The following MEIS2 variants were observed in gnomAD, a reference collection of about 807,000 sequenced individuals.
MEIS2 encodes homeobox protein Meis2.
In MEIS2, 9 loss-of-function variants were observed where a neutral mutation model predicts 58.6. That is an observed-to-expected ratio of 0.15 (90% CI 0.09 to 0.27). The LOEUF is 0.27. Among genes scored for constraint, MEIS2 ranks in the 10% least tolerant of loss-of-function variants. The probability of loss-of-function intolerance (pLI) is 1.00; values close to 1 mark genes in which losing one functional copy is unlikely to be tolerated. For missense variants in MEIS2, 427 were observed against 635.0 expected (o/e 0.67, Z 3.52); for synonymous variants, 221 against 228.4 (o/e 0.97, Z 0.29).
At chr15:37,009,695 T>C (rs903327816) in intron 8 of MEIS2, among the ~76,000 whole-genome samples, 4 of 152,256 alleles carry the variant, frequency 2.6e-5, no homozygotes, top group African/African-American at 9.6e-5. Flanking sequence ...GTCTCTCTGA[T>C]ACTTCACAAA....
At chr15:37,063,342 G>A (rs1055534418) in intron 7 of MEIS2, among the ~76,000 whole-genome samples, 19 of 152,142 alleles carry the variant, frequency 1.2e-4, no homozygotes, top group African/African-American at 3.6e-4. Context: ...CTAGGTATCC[G>A]ACATCATTTG....
At position 37,049,237 on chromosome 15, in the gene MEIS2, T is replaced by C. The variant is rs570910172; in HGVS notation, c.755-12278A>G. Among the ~76,000 whole-genome samples, 10 of 152,280 alleles carry C rather than the reference T, an allele frequency of 6.6e-5. No individual in the cohort carries two copies. In the South Asian group the frequency reaches 1.9e-3, roughly 28 times the overall value. On this transcript the variant is annotated intron_variant, in intron 7 of 11. Transcript: ENST00000561208. Reference sequence around the variant, plus strand: ...GATAGCACAAGTTGATCATTCTTCGTATAGCCTATACAGGAAAGAACAGCA... The same window carrying C: ...GATAGCACAAGTTGATCATTCTTCGCATAGCCTATACAGGAAAGAACAGCA...
At chr15:37,081,483 T>C (rs777507173) in intron 7 of MEIS2, among the ~76,000 whole-genome samples, 6 of 152,116 alleles carry the variant, frequency 3.9e-5, no homozygotes, top group Non-Finnish European at 7.4e-5. Context: ...GGACAAAATA[T>C]CAAAATACCT....
intron 8 of MEIS2, among the ~76,000 whole-genome samples, chr15:36,961,931 A>G (rs1383456900): frequency 1.3e-5 from 2 of 152,208 alleles, no homozygotes; most frequent in Non-Finnish European, 1.5e-5. Context: ...ATTCTTAGAA[A>G]TAAATAATTC....
upstream of MEIS2, chr15:37,101,261 G>A (rs1455358065): frequency 6.6e-6 from 1 of 152,636 alleles, no homozygotes; most frequent in Non-Finnish European, 1.5e-5. Context: ...TCGGGAGGGA[G>A]GAAGTGAGGA....
chr15:36,952,679 G>A (rs60040902), intron 8 of MEIS2, among the ~76,000 whole-genome samples: 4,343 of 151,250 alleles, frequency 0.029, 229 homozygotes, highest in African/African-American at 0.1. Context: ...GAGAGAGAAG[G>A]TTTAGATGAA....
At chr15:36,906,148 C>G (rs1567033668) in intron 9 of MEIS2, among the ~76,000 whole-genome samples, 1 of 152,190 alleles carries the variant, frequency 6.6e-6, no homozygotes, top group Non-Finnish European at 1.5e-5. Flanking sequence ...CAGCTTCGAT[C>G]TGGAAAACAT....
rs758035869 is a variant in MEIS2, at chr15:36,889,660, C to T, written c.*2513G>A. On this transcript the variant is annotated 3_prime_UTR_variant, in exon 12 of 12. Coordinates refer to ENST00000561208, the MANE Select transcript of MEIS2 (RefSeq NM_170675.5). ...AATTGCATAAAACACATCCTAAACA[C>T]GAGCCAATTGCCAAGGAAACCCTTC... 1.3e-4 allele frequency: 19 copies of T among 151,908 alleles called. No individual in the cohort carries two copies. Among genetic ancestry groups the T allele is most frequent in the East Asian group, 7.7e-4 (4 of 5,188 alleles). The allele number at this position is 151,908 out of a possible 1,614,324, so 9.4% of individuals were successfully genotyped here. A position where few individuals can be genotyped will look rare whatever the true frequency, so the allele number is the denominator to read the frequency against.
intron 7 of MEIS2, among the ~76,000 whole-genome samples, chr15:37,067,789 GAGAA>G (rs752565278): frequency 2.7e-4 from 41 of 152,174 alleles, no homozygotes; most frequent in South Asian, 2.1e-3. Flanking sequence ...GAAGAAAATA[GAGAA>G]AGAAAGTGTC....
At chr15:37,050,911 C>T (rs530588894) in intron 7 of MEIS2, 16 of 152,324 alleles carry the variant, frequency 1.1e-4, no homozygotes, top group African/African-American at 3.8e-4. Context: ...GTTGTAAACA[C>T]CACTGCACTT....
chr15:37,013,460 T>A (rs1478379849), intron 8 of MEIS2, among the ~76,000 whole-genome samples: 1 of 151,410 alleles, frequency 6.6e-6, no homozygotes. Flanking sequence ...TAATCCCAGC[T>A]ACTCCAGAGA....
chr15:37,003,888 C>T (rs28661590), intron 8 of MEIS2, among the ~76,000 whole-genome samples: 50,775 of 152,022 alleles, frequency 0.33, 9,209 homozygotes, highest in Non-Finnish European at 0.41. Context: ...ACGGCTGTCT[C>T]TACACCGGGA....
At chr15:37,045,275 G>A (rs1243082853) in intron 7 of MEIS2, among the ~76,000 whole-genome samples, 2 of 152,146 alleles carry the variant, frequency 1.3e-5, no homozygotes, top group Non-Finnish European at 2.9e-5. Context: ...TAATGGAACT[G>A]CAACACACGG....
intron 8 of MEIS2, among the ~76,000 whole-genome samples, chr15:36,998,797 G>A (rs1382142064): frequency 6.6e-6 from 1 of 152,118 alleles, no homozygotes; most frequent in Non-Finnish European, 1.5e-5. Flanking sequence ...TTTCATTCAT[G>A]CAAGAGCCCT....
chr15:36,894,397 C>T (rs554693816), intron 11 of MEIS2: 30 of 174,348 alleles, frequency 1.7e-4, no homozygotes, highest in Non-Finnish European at 2.8e-4. Flanking sequence ...AACTGGTGCC[C>T]CCAAGACATT....
chr15:36,939,325 GA>G (rs548262878), intron 9 of MEIS2, among the ~76,000 whole-genome samples: 6 of 151,952 alleles, frequency 3.9e-5, no homozygotes, highest in African/African-American at 1.2e-4. Context: ...ATAAAAGGCA[GA>G]AAAAAAATCC....
At chr15:36,910,986 A>G (rs536668252) in intron 9 of MEIS2, among the ~76,000 whole-genome samples, 320 of 147,358 alleles carry the variant, frequency 2.2e-3, no homozygotes, top group Middle Eastern at 6.9e-3. Context: ...CGGAGGTTGC[A>G]GTGAGCTGAG....
chr15:37,099,586 A>G lies in MEIS2; in HGVS notation c.-120T>C. On this transcript the variant is annotated 5_prime_UTR_variant, in exon 1 of 12. Transcript: ENST00000561208. Reference sequence around the variant, plus strand: ...TTTCCAAACCAAAGAGACTTCTCCCAATTCTCCAATATGCTATTTTTTAGG... The same window carrying G: ...TTTCCAAACCAAAGAGACTTCTCCCGATTCTCCAATATGCTATTTTTTAGG... 7.0e-7 allele frequency: 1 copy of G among 1,428,886 alleles called. No homozygotes were observed. Among genetic ancestry groups the G allele is most frequent in the Non-Finnish European group, 9.5e-7 (1 of 1,047,330 alleles). 88.5% of individuals were successfully genotyped at this position (1,428,886 alleles called of 1,614,324 possible). A position where few individuals can be genotyped will look rare whatever the true frequency, so the allele number is the denominator to read the frequency against.
Position 37,004,294 on chromosome 15 carries a change from C to G in MEIS2, c.900+32520G>C, listed in dbSNP as rs181444472. ...AAGGGCTTTTCTTGCTCAGAGAGCACGTGAACTTGATAATTCTCTGCTAAT... is the reference window on the plus strand; with the variant it reads ...AAGGGCTTTTCTTGCTCAGAGAGCAGGTGAACTTGATAATTCTCTGCTAAT... On this transcript the variant is annotated intron_variant, in intron 8 of 11. Coordinates refer to ENST00000561208, the MANE Select transcript of MEIS2 (RefSeq NM_170675.5). Among the ~76,000 whole-genome samples the G allele has an allele frequency of 3.9e-5, 6 of 152,174 alleles. No individual in the cohort carries two copies. The East Asian group carries it at 1.2e-3, about 29-fold the overall frequency.
Sources: allele counts gnomAD v4.1 joint callset (sites outside exome capture counted in the v4.1 genomes callset), GRCh38; gene constraint gnomAD v4.1.1; transcripts MANE v1.5; gene names NCBI Gene and HGNC (gene_info 2026-07-23, HGNC 2026-07-21).